The following PCDH15 variants were observed in gnomAD, a reference collection of about 807,000 sequenced individuals.
PCDH15 encodes the protein protocadherin-15.
A neutral mutation model predicts 178.5 loss-of-function variants in PCDH15; 129 were observed. That is an observed-to-expected ratio of 0.72 (90% CI 0.63 to 0.84). The LOEUF (loss-of-function observed/expected upper bound fraction) is 0.84, where lower values mean the gene tolerates loss of function less well. Among genes scored for constraint, PCDH15 ranks in the 40% least tolerant of loss-of-function variants. The pLI is 0.00. For synonymous variants in PCDH15, 800 were observed against 732.0 expected, an observed-to-expected ratio of 1.09 and a Z score of -1.50; for missense variants, 2,230 against 2,099.9, an observed-to-expected ratio of 1.06 and a Z score of -1.21.
chr10:55,492,617 C>CTCAA (rs1281513310), intron 2 of PCDH15, among the ~76,000 whole-genome samples: 1 of 151,716 alleles, frequency 6.6e-6, no homozygotes, highest in African/African-American at 2.4e-5. Context: ...TCAATAATGA[C>CTCAA]TCAATGTAAG....
chr10:54,298,301 C>T (rs1374219557), intron 8 of PCDH15, among the ~76,000 whole-genome samples: 1 of 152,098 alleles, frequency 6.6e-6, no homozygotes, highest in East Asian at 1.9e-4. Flanking sequence ...GAGCCCTAGG[C>T]CCTGAATAAA....
chr10:54,422,518 T>G (rs1955668187), intron 3 of PCDH15, among the ~76,000 whole-genome samples: 1 of 152,136 alleles, frequency 6.6e-6, no homozygotes. Context: ...CTTCTCAACA[T>G]CGGCACTACG....
chr10:53,903,727 T>A (rs1468654437), intron 25 of PCDH15, among the ~76,000 whole-genome samples: 4 of 152,172 alleles, frequency 2.6e-5, no homozygotes, highest in Non-Finnish European at 4.4e-5. Context: ...CACAAATATA[T>A]AAACCCCTTA....
chr10:54,987,551 T>C (rs1839402667), intron 2 of PCDH15, among the ~76,000 whole-genome samples: 1 of 152,166 alleles, frequency 6.6e-6, no homozygotes, highest in African/African-American at 2.4e-5. Flanking sequence ...TTTTAGTGAT[T>C]GCTATTCTGA....
intron 2 of PCDH15, among the ~76,000 whole-genome samples, chr10:55,357,921 T>G: frequency 6.6e-6 from 1 of 152,086 alleles, no homozygotes; most frequent in East Asian, 1.9e-4. Context: ...AAACATATCA[T>G]TTATAAACCA....
At chr10:54,621,285 CTAT>C (rs1193638695) in intron 2 of PCDH15, among the ~76,000 whole-genome samples, 11 of 152,052 alleles carry the variant, frequency 7.2e-5, no homozygotes, top group East Asian at 1.9e-4. Flanking sequence ...ACAGTAATTA[CTAT>C]TATTAATAAA....
chr10:54,888,344 T>G (rs2131813054), intron 3 of PCDH15, among the ~76,000 whole-genome samples: 1 of 152,196 alleles, frequency 6.6e-6, no homozygotes, highest in Admixed American at 6.6e-5. Context: ...TTTTTAGATT[T>G]ATCCGTGTGG....
intron 1 of PCDH15, among the ~76,000 whole-genome samples, chr10:55,285,115 A>C (rs1842835099): frequency 6.7e-6 from 1 of 148,788 alleles, no homozygotes; most frequent in Non-Finnish European, 1.5e-5. Context: ...TTTATATGGT[A>C]AATACAAGTT....
intron 1 of PCDH15, among the ~76,000 whole-genome samples, chr10:54,723,878 C>CA (rs1209265671): frequency 6.6e-6 from 1 of 151,446 alleles, no homozygotes; most frequent in Non-Finnish European, 1.5e-5. Flanking sequence ...TATTAAAAGT[C>CA]AAAAAACAAG....
At chr10:54,519,250 T>C (rs966450199) in intron 3 of PCDH15, among the ~76,000 whole-genome samples, 5 of 152,108 alleles carry the variant, frequency 3.3e-5, no homozygotes, top group Admixed American at 6.6e-5. Flanking sequence ...GGTATTCAAT[T>C]AGGAAAAGAG....
intron 2 of PCDH15, among the ~76,000 whole-genome samples, chr10:54,965,121 A>G (rs913575737): frequency 1.3e-5 from 2 of 152,220 alleles, no homozygotes; most frequent in Non-Finnish European, 2.9e-5. Context: ...TGACCCATTC[A>G]TGGGCAAGGA....
intron 2 of PCDH15, among the ~76,000 whole-genome samples, chr10:55,467,704 G>A (rs765649735): frequency 2.0e-5 from 3 of 151,836 alleles, no homozygotes; most frequent in Admixed American, 1.3e-4. Flanking sequence ...GGTGGTTCAC[G>A]CCTGTAATCC....
intron 21 of PCDH15, among the ~76,000 whole-genome samples, chr10:53,972,482 A>G (rs552539652): frequency 1.3e-5 from 2 of 152,302 alleles, no homozygotes; most frequent in Non-Finnish European, 2.9e-5. Context: ...AAAAGAAACT[A>G]CCACCAGAAT....
At chr10:55,297,441 T>C (rs1843161458) in intron 1 of PCDH15, among the ~76,000 whole-genome samples, 2 of 152,126 alleles carry the variant, frequency 1.3e-5, no homozygotes, top group South Asian at 2.1e-4. Flanking sequence ...TATTACATTG[T>C]TTTTATTTGT....
chr10:54,173,601 A>T (rs1254569702), intron 13 of PCDH15, among the ~76,000 whole-genome samples: 1 of 152,200 alleles, frequency 6.6e-6, no homozygotes, highest in Non-Finnish European at 1.5e-5. Flanking sequence ...TTCCTAATAC[A>T]TATTTTACCT....
intron 21 of PCDH15, among the ~76,000 whole-genome samples, chr10:53,974,932 T>G (rs2090065195): frequency 6.6e-6 from 1 of 152,104 alleles, no homozygotes; most frequent in Non-Finnish European, 1.5e-5. Flanking sequence ...GCTCCCCTCC[T>G]TCCCCCACCT....
At chr10:54,893,296 T>C (rs1954494263) in intron 3 of PCDH15, among the ~76,000 whole-genome samples, 1 of 152,166 alleles carries the variant, frequency 6.6e-6, no homozygotes, top group South Asian at 2.1e-4. Context: ...ATATGTATTA[T>C]AATGCACTGA....
At chr10:54,935,270 G>A (rs575555450) in intron 2 of PCDH15, among the ~76,000 whole-genome samples, 8 of 152,154 alleles carry the variant, frequency 5.3e-5, no homozygotes, top group South Asian at 4.1e-4. Context: ...ACACATCACA[G>A]ATGCTTATGC....
chr10:55,499,887 T>A (rs1840617762), intron 2 of PCDH15, among the ~76,000 whole-genome samples: 1 of 151,756 alleles, frequency 6.6e-6, no homozygotes, highest in Non-Finnish European at 1.5e-5. Flanking sequence ...ATGTGAAAGA[T>A]GTTTTTGAAA....
Sources: allele counts gnomAD v4.1 joint callset (sites outside exome capture counted in the v4.1 genomes callset), GRCh38; gene constraint gnomAD v4.1.1; transcripts MANE v1.5; gene names NCBI Gene and HGNC (gene_info 2026-07-23, HGNC 2026-07-21).